LUZP1: variants seen among roughly 807,000 people sequenced by gnomAD.
LUZP1 encodes the protein leucine zipper protein 1.
A neutral mutation model predicts 71.3 loss-of-function variants in LUZP1; 25 were observed. The observed-to-expected ratio is 0.35, with a 90% CI of 0.26 to 0.49. The LOEUF is 0.49. LUZP1 is among the 20% of genes least tolerant of loss of function. LUZP1 has a pLI of 0.99. For missense variants in LUZP1, 1,142 were observed against 1,300.8 expected (o/e 0.88, Z 1.88); for synonymous variants, 481 against 506.4 (o/e 0.95, Z 0.67).
At chr1:23,159,196 C>A (rs1001173199) in intron 2 of LUZP1, among the ~76,000 whole-genome samples, 1 of 151,738 alleles carries the variant, frequency 6.6e-6, no homozygotes, top group Non-Finnish European at 1.5e-5. Flanking sequence ...AAAAAATTAG[C>A]CAGGCGTGGT....
rs576790948 is a variant in LUZP1 at position 23,131,178 on chromosome 1, C to T, written c.-225-22051G>A. Among the ~76,000 whole-genome samples the T allele has an allele frequency of 3.5e-5, 5 of 144,600 alleles. No homozygotes were observed. In the East Asian group the frequency reaches 1.0e-3, roughly 30 times the overall value. 94.9% of individuals were successfully genotyped at this position (144,600 alleles called of 152,430 possible). On this transcript the variant is annotated intron_variant, in intron 2 of 4. Coordinates refer to ENST00000302291, the Ensembl canonical transcript of LUZP1. ...AGGTTGTAGTGAGCTGAGATCAACC[C>T]CACTGCAATCCAGCCCGGGCAACAG... is the stretch of plus-strand genomic sequence containing the variant.
At chr1:23,153,847 A>C (rs1047860868) in intron 2 of LUZP1, among the ~76,000 whole-genome samples, 6 of 152,130 alleles carry the variant, frequency 3.9e-5, no homozygotes, top group African/African-American at 1.4e-4. Flanking sequence ...CTGAGGTAGG[A>C]GAATCATTGA....
chr1:23,097,659 C>T (rs1643900265), intron 3 of LUZP1, among the ~76,000 whole-genome samples: 1 of 152,028 alleles, frequency 6.6e-6, no homozygotes, highest in Non-Finnish European at 1.5e-5. Context: ...ACAGTAAGAT[C>T]CCGTCTCTAT....
At chr1:23,151,471 C>T (rs1644383237) in intron 2 of LUZP1, among the ~76,000 whole-genome samples, 1 of 152,158 alleles carries the variant, frequency 6.6e-6, no homozygotes. Flanking sequence ...TCAACTGACC[C>T]ACTCTTTATT....
At chr1:23,130,286 T>C (rs1271828501) in intron 2 of LUZP1, among the ~76,000 whole-genome samples, 1 of 152,208 alleles carries the variant, frequency 6.6e-6, no homozygotes, top group African/African-American at 2.4e-5. Context: ...TATATTACTA[T>C]GATAGATGTA....
At chr1:23,124,862 G>GT (rs1644158888) in intron 2 of LUZP1, among the ~76,000 whole-genome samples, 1 of 152,148 alleles carries the variant, frequency 6.6e-6, no homozygotes, top group South Asian at 2.1e-4. Flanking sequence ...ACAGTAAAAT[G>GT]AAACCTACAG....
chr1:23,088,814 G>A, exon 5 of LUZP1: 6 of 1,525,322 alleles, frequency 3.9e-6, no homozygotes, highest in Non-Finnish European at 4.4e-6. Context: ...CTGGTTAACT[G>A]GCCTTGGATC....
intron 1 of LUZP1, among the ~76,000 whole-genome samples, chr1:23,169,207 A>G (rs1437812576): frequency 6.6e-6 from 1 of 152,034 alleles, no homozygotes; most frequent in Non-Finnish European, 1.5e-5. Flanking sequence ...AAAAATACAA[A>G]AATTAGCCGG....
intron 2 of LUZP1, among the ~76,000 whole-genome samples, chr1:23,157,302 A>G (rs7542000): frequency 0.15 from 22,641 of 152,284 alleles, 1,818 homozygotes; most frequent in Middle Eastern, 0.29. Context: ...ACTGGAGTCC[A>G]GCCTGGGTAA....
chr1:23,173,374 A>G (rs1477256008), intron 1 of LUZP1, among the ~76,000 whole-genome samples: 1 of 71,634 alleles, frequency 1.4e-5, no homozygotes, highest in Non-Finnish European at 2.7e-5. Flanking sequence ...TTTTTTTTTC[A>G]GATAGAGTCT....
chr1:23,133,153 T>A (rs1644227765), intron 2 of LUZP1, among the ~76,000 whole-genome samples: 2 of 152,106 alleles, frequency 1.3e-5, no homozygotes, highest in South Asian at 4.2e-4. Flanking sequence ...TTCAGCCTTA[T>A]CCTCCCAAGG....
rs769615018 is a variant in LUZP1, at chr1:23,093,486, C to G, written c.776G>C (p.Gly259Ala). ...TACCTGCTTTAGGTAGTCCAGACCACCCTTCCTTCTTGATTCTTTGGACGG... is the reference window on the plus strand; with the variant it reads ...TACCTGCTTTAGGTAGTCCAGACCAGCCTTCCTTCTTGATTCTTTGGACGG... Residue 259 changes from glycine (G) to alanine (A), a missense_variant, in exon 4 of 5, where the codon GGT (glycine) becomes GCT (alanine). Transcript: ENST00000302291. The surrounding 1 kb of genome is among the most constrained non-coding windows in gnomAD (Gnocchi z 4.2). 1 of 1,612,554 alleles carries G rather than the reference C, an allele frequency of 6.2e-7. No homozygotes were observed. Among genetic ancestry groups the G allele is most frequent in the East Asian group, 2.2e-5 (1 of 44,880 alleles).
Position 23,093,377 on chromosome 1 carries a change from A to G in LUZP1, c.885T>C (p.Ile295=). The G allele has an allele frequency of 1.2e-6, 2 of 1,613,452 alleles. No homozygotes were observed. The highest frequency in any genetic ancestry group is 1.7e-6 in the Non-Finnish European group (2 of 1,179,890). The change falls in exon 4 of 5, where the codon ATT becomes ATC. Residue 295 remains isoleucine, a synonymous_variant. Transcript: ENST00000302291. This position sits in a 1 kb window ranked among gnomAD's most constrained non-coding sequence, Gnocchi z 4.2. ...GTTTGATTTGTGTCTTAAGTTTCTC[A>G]ATCTCTTGGTTAAGGTCTTTGACTT...
intron 2 of LUZP1, among the ~76,000 whole-genome samples, chr1:23,141,354 G>A (rs1238247217): frequency 1.3e-5 from 2 of 152,190 alleles, no homozygotes; most frequent in Non-Finnish European, 2.9e-5. Flanking sequence ...CCTCCTGTGG[G>A]CAAGCCACAC....
At chr1:23,100,964 C>CT (rs1380172371) in intron 3 of LUZP1, among the ~76,000 whole-genome samples, 1 of 152,168 alleles carries the variant, frequency 6.6e-6, no homozygotes, top group African/African-American at 2.4e-5. Flanking sequence ...TCTCCTGACT[C>CT]TATGTTCAGG....
Position 23,093,562 on chromosome 1 carries a change from T to G in LUZP1, c.700A>C (p.Asn234His). 2.5e-6 allele frequency: 4 copies of G among 1,614,042 alleles called. No individual in the cohort carries two copies. The highest frequency in any genetic ancestry group is 3.4e-6 in the Non-Finnish European group (4 of 1,179,998). Residue 234 changes from asparagine (N) to histidine (H), a missense_variant, in exon 4 of 5, where the codon AAT becomes CAT. Physicochemically the swap from Asn to His is moderately conservative, Grantham distance 68. Coordinates refer to ENST00000302291, the Ensembl canonical transcript of LUZP1. The surrounding 1 kb of genome is among the most constrained non-coding windows in gnomAD (Gnocchi z 4.2). Reference sequence around the variant, plus strand: ...ATCCGTAGGTCATTTCTTTCCAGATTAGAAGCATTCCTTGTATAATCTCGG... The same window carrying G: ...ATCCGTAGGTCATTTCTTTCCAGATGAGAAGCATTCCTTGTATAATCTCGG...
At chr1:23,134,339 G>A (rs1444847748) in intron 2 of LUZP1, among the ~76,000 whole-genome samples, 5 of 150,442 alleles carry the variant, frequency 3.3e-5, no homozygotes, top group East Asian at 3.9e-4. Context: ...AAAATTAGCC[G>A]GGTGTGGTGG....
rs1405855997 is a variant in LUZP1 at position 23,110,055 on chromosome 1, A to G, written c.-225-928T>C. ...TGTTACCTCTACTTTACAGATAAAG[A>G]ATTTAAGTTTCAAGAAGTGACTTGT... On this transcript the variant is annotated intron_variant, in intron 2 of 4. Coordinates refer to ENST00000302291, the Ensembl canonical transcript of LUZP1. 2.0e-5 allele frequency among the ~76,000 whole-genome samples: 3 copies of G among 152,332 alleles called. No individual in the cohort carries two copies. In the East Asian group the frequency reaches 5.8e-4, roughly 29 times the overall value.
chr1:23,161,919 T>C (rs1373896026), intron 2 of LUZP1, among the ~76,000 whole-genome samples: 1 of 146,726 alleles, frequency 6.8e-6, no homozygotes, highest in Non-Finnish European at 1.5e-5. Flanking sequence ...CCCAGCTACT[T>C]GGGAGGCTGA....
Sources: allele counts gnomAD v4.1 joint callset (sites outside exome capture counted in the v4.1 genomes callset), GRCh38; gene constraint gnomAD v4.1.1; non-coding constraint Gnocchi (gnomAD v3.1); transcripts MANE v1.5; gene names NCBI Gene and HGNC (gene_info 2026-07-23, HGNC 2026-07-21).